The following PPP1R9A variants were observed in gnomAD, a reference collection of about 807,000 sequenced individuals.
PPP1R9A encodes neurabin-1.
Under a neutral mutation model 141.9 loss-of-function variants are expected in PPP1R9A, and 59 were observed. That is an observed-to-expected ratio of 0.42 (90% CI 0.34 to 0.52). The LOEUF is 0.52. Ranked by LOEUF, PPP1R9A falls within the 20% of genes least tolerant of loss-of-function variation. PPP1R9A has a pLI of 0.10. For synonymous variants in PPP1R9A, 500 were observed against 569.7 expected (o/e 0.88, Z 1.74); for missense variants, 1,444 against 1,611.9 (o/e 0.90, Z 1.78).
chr7:95,088,315 C>T (rs1164083719), intron 2 of PPP1R9A, among the ~76,000 whole-genome samples: 2 of 151,836 alleles, frequency 1.3e-5, no homozygotes, highest in African/African-American at 4.9e-5. Flanking sequence ...TATATTGGAC[C>T]TCAACCTCTG....
chr7:95,240,701 CTT>C (rs1434935455), intron 8 of PPP1R9A, among the ~76,000 whole-genome samples: 1 of 152,056 alleles, frequency 6.6e-6, no homozygotes, highest in Non-Finnish European at 1.5e-5. Flanking sequence ...ACTTAATTCT[CTT>C]ATTAAATGTT....
chr7:95,258,149 C>T (rs1464274842), intron 12 of PPP1R9A, among the ~76,000 whole-genome samples: 4 of 151,900 alleles, frequency 2.6e-5, no homozygotes, highest in Admixed American at 2.0e-4. Flanking sequence ...TAAAAGTGTT[C>T]CTATTTCTCC....
chr7:95,085,611 C>T (rs564570749), intron 2 of PPP1R9A, among the ~76,000 whole-genome samples: 15 of 151,646 alleles, frequency 9.9e-5, no homozygotes, highest in South Asian at 4.2e-4. Flanking sequence ...GACGGGGTTT[C>T]GCCATATTGG....
intron 2 of PPP1R9A, among the ~76,000 whole-genome samples, chr7:95,094,905 A>AAAAAAAG (rs1215644433): frequency 6.8e-6 from 1 of 146,866 alleles, no homozygotes; most frequent in Admixed American, 6.8e-5. Flanking sequence ...AAAAAAAAAA[A>AAAAAAAG]GGAACAAAAG....
intron 2 of PPP1R9A, among the ~76,000 whole-genome samples, chr7:94,978,121 G>A (rs1267934961): frequency 6.6e-6 from 1 of 152,170 alleles, no homozygotes; most frequent in Non-Finnish European, 1.5e-5. Context: ...TAGCTCCAGT[G>A]TCTTCAAAGT....
intron 3 of PPP1R9A, among the ~76,000 whole-genome samples, chr7:95,112,421 C>T (rs1820729051): frequency 6.6e-6 from 1 of 151,968 alleles, no homozygotes; most frequent in Non-Finnish European, 1.5e-5. Flanking sequence ...CAGATGTTAG[C>T]AAGGATGCAG....
At chr7:95,230,484 G>A (rs1795771819) in intron 8 of PPP1R9A, among the ~76,000 whole-genome samples, 1 of 151,936 alleles carries the variant, frequency 6.6e-6, no homozygotes, top group African/African-American at 2.4e-5. Flanking sequence ...CACAACTTCT[G>A]GAAATCAAGG....
chr7:95,100,339 A>G (rs748853650), intron 2 of PPP1R9A, among the ~76,000 whole-genome samples: 52 of 152,184 alleles, frequency 3.4e-4, no homozygotes, highest in African/African-American at 7.2e-5. Context: ...GATAATACAA[A>G]AATACATACT....
chr7:94,973,012 A>G (rs1361192461), intron 2 of PPP1R9A, among the ~76,000 whole-genome samples: 2 of 152,118 alleles, frequency 1.3e-5, no homozygotes, highest in Non-Finnish European at 2.9e-5. Context: ...GACTTCCTGG[A>G]CACAATATAT....
intron 16 of PPP1R9A, among the ~76,000 whole-genome samples, chr7:95,278,553 T>G (rs1212657820): frequency 6.6e-6 from 1 of 152,216 alleles, no homozygotes; most frequent in Non-Finnish European, 1.5e-5. Flanking sequence ...CTTTAATTTC[T>G]ACCCCATTAT....
intron 2 of PPP1R9A, among the ~76,000 whole-genome samples, chr7:95,081,867 A>G (rs1359991557): frequency 1.3e-5 from 2 of 152,180 alleles, no homozygotes; most frequent in East Asian, 1.9e-4. Flanking sequence ...AATTTGCTCT[A>G]TTACCTTTAC....
intron 16 of PPP1R9A, among the ~76,000 whole-genome samples, chr7:95,281,289 T>C (rs1256419406): frequency 1.3e-5 from 2 of 152,184 alleles, no homozygotes; most frequent in Admixed American, 6.5e-5. Flanking sequence ...AAAATATCCC[T>C]GAATCTGGTG....
intron 2 of PPP1R9A, among the ~76,000 whole-genome samples, chr7:95,072,274 A>G (rs1311688452): frequency 6.9e-6 from 1 of 145,030 alleles, no homozygotes; most frequent in African/African-American, 2.5e-5. Flanking sequence ...ATAATAATAT[A>G]TAATATAATA....
chr7:95,001,287 A>AACAT (rs1229583031), intron 2 of PPP1R9A, among the ~76,000 whole-genome samples: 1 of 152,176 alleles, frequency 6.6e-6, no homozygotes, highest in East Asian at 1.9e-4. Context: ...TTGAAAGTAA[A>AACAT]ACATACAAAC....
At chr7:95,141,071 T>G (rs1826586567) in intron 4 of PPP1R9A, among the ~76,000 whole-genome samples, 1 of 152,204 alleles carries the variant, frequency 6.6e-6, no homozygotes, top group African/African-American at 2.4e-5. Flanking sequence ...ATTCTTGAAC[T>G]TAACTAACAT....
intron 4 of PPP1R9A, among the ~76,000 whole-genome samples, chr7:95,153,667 G>A (rs1309223792): frequency 6.6e-6 from 1 of 152,152 alleles, no homozygotes; most frequent in Non-Finnish European, 1.5e-5. Flanking sequence ...ACATATTTAT[G>A]TGGTACATGT....
intron 2 of PPP1R9A, among the ~76,000 whole-genome samples, chr7:95,099,829 T>C (rs1398142965): frequency 6.6e-6 from 1 of 152,112 alleles, no homozygotes; most frequent in African/African-American, 2.4e-5. Flanking sequence ...AAAAAATACT[T>C]TTCAAGTATT....
chr7:95,137,590 T>G (rs1017691041), intron 4 of PPP1R9A, among the ~76,000 whole-genome samples: 2 of 152,198 alleles, frequency 1.3e-5, no homozygotes, highest in Non-Finnish European at 2.9e-5. Context: ...TACATGATGT[T>G]TGTAGAACAG....
At chr7:95,079,502 C>T (rs1253854160) in intron 2 of PPP1R9A, among the ~76,000 whole-genome samples, 1 of 151,810 alleles carries the variant, frequency 6.6e-6, no homozygotes, top group Non-Finnish European at 1.5e-5. Context: ...CCGAATTCTA[C>T]CAGAGGTACA....
Sources: gnomAD v4.1 joint callset for allele counts (sites outside exome capture counted in the v4.1 genomes callset) on GRCh38, gnomAD v4.1.1 for gene constraint, MANE v1.5 for transcripts, NCBI Gene and HGNC (gene_info 2026-07-23, HGNC 2026-07-21) for gene names.